Variants in PLEKHM3 observed in about 807,000 individuals in gnomAD.
PLEKHM3 encodes the protein pleckstrin homology domain containing M3, also known as pleckstrin homology domain-containing family M member 3.
A neutral mutation model predicts 81.8 loss-of-function variants in PLEKHM3; 45 were observed. The observed-to-expected ratio is 0.55, with a 90% CI of 0.43 to 0.71. PLEKHM3 has a LOEUF of 0.71. PLEKHM3 is among the 30% of genes least tolerant of loss of function. The probability of loss-of-function intolerance (pLI) is 0.00; values close to 1 mark genes in which losing one functional copy is unlikely to be tolerated. For missense variants in PLEKHM3, 788 were observed against 924.3 expected, an observed-to-expected ratio of 0.85 and a Z score of 1.91; for synonymous variants, 352 against 356.4, an observed-to-expected ratio of 0.99 and a Z score of 0.14.
At chr2:207,927,515 C>CAAAAAA (rs527604593) in intron 5 of PLEKHM3, among the ~76,000 whole-genome samples, 1 of 69,992 alleles carries the variant, frequency 1.4e-5, no homozygotes, top group Non-Finnish European at 2.7e-5. Context: ...GACTCTGTCT[C>CAAAAAA]AAAAAAAAAA....
At chr2:207,844,341 T>C (rs59654161) in intron 7 of PLEKHM3, among the ~76,000 whole-genome samples, 98,975 of 145,428 alleles carry the variant, frequency 0.68, 34,476 homozygotes, top group African/African-American at 0.75. Flanking sequence ...CTCGCTCTGT[T>C]GCCCAGGCTG....
intron 6 of PLEKHM3, among the ~76,000 whole-genome samples, chr2:207,880,973 T>C (rs1041445738): frequency 2.0e-5 from 3 of 151,470 alleles, no homozygotes; most frequent in African/African-American, 7.3e-5. Context: ...GTATAGGTAA[T>C]TGTATCCAGA....
chr2:207,878,722 T>C lies in PLEKHM3; in HGVS notation c.1951-17460A>G, dbSNP rs116131383. ...ACTGAGGCTTAGAAGGCTTAAGTCA[T>C]GTGCCCGGGGTTGCCCAGCTTGGAA... On this transcript the variant is annotated intron_variant, in intron 6 of 7. Coordinates refer to ENST00000427836, the MANE Select transcript of PLEKHM3 (RefSeq NM_001080475.3). Among the ~76,000 whole-genome samples, 589 of 152,366 alleles carry C rather than the reference T, an allele frequency of 3.9e-3. 8 individuals carry two copies. The highest frequency in any genetic ancestry group is 0.012 in the African/African-American group (491 of 41,584).
At chr2:207,829,157 A>T (rs928817557) in intron 7 of PLEKHM3, among the ~76,000 whole-genome samples, 3 of 152,256 alleles carry the variant, frequency 2.0e-5, no homozygotes, top group African/African-American at 7.2e-5. Flanking sequence ...TTCAAACAAT[A>T]TGACAGATAT....
intron 2 of PLEKHM3, among the ~76,000 whole-genome samples, chr2:207,999,672 AC>A (rs377700851): frequency 8.5e-4 from 130 of 152,290 alleles, no homozygotes; most frequent in Middle Eastern, 3.4e-3. Flanking sequence ...CATGGTCACT[AC>A]CCTTGGCTAG....
chr2:207,981,160 A>G (rs1032899287), intron 2 of PLEKHM3, among the ~76,000 whole-genome samples: 1 of 151,924 alleles, frequency 6.6e-6, no homozygotes, highest in African/African-American at 2.4e-5. Flanking sequence ...GAAAAGAAAA[A>G]CAAGAAGAAA....
chr2:207,833,887 T>A (rs769524357), intron 7 of PLEKHM3, among the ~76,000 whole-genome samples: 7 of 152,224 alleles, frequency 4.6e-5, no homozygotes, highest in Non-Finnish European at 1.0e-4. Flanking sequence ...TCCAGTGTAG[T>A]GTACTTATTC....
At chr2:207,895,950 T>G (rs890549212) in intron 6 of PLEKHM3, among the ~76,000 whole-genome samples, 1 of 152,262 alleles carries the variant, frequency 6.6e-6, no homozygotes, top group Non-Finnish European at 1.5e-5. Context: ...TAGTTGACCT[T>G]TGGCAAATGG....
chr2:208,011,122 A>ACTTCT (rs1692677609), intron 1 of PLEKHM3, among the ~76,000 whole-genome samples: 1 of 151,918 alleles, frequency 6.6e-6, no homozygotes, highest in Non-Finnish European at 1.5e-5. Context: ...AAAAGGGAAC[A>ACTTCT]CTTCTACACT....
intron 4 of PLEKHM3, among the ~76,000 whole-genome samples, chr2:207,939,991 C>A (rs368358032): frequency 6.6e-6 from 1 of 152,164 alleles, no homozygotes; most frequent in African/African-American, 2.4e-5. Flanking sequence ...TTCACTAAGA[C>A]AGGTAATGTG....
Position 207,936,833 on chromosome 2 carries a change from G to A in PLEKHM3, c.1693-5714C>T, listed in dbSNP as rs375202323. Reference sequence around the variant, plus strand: ...TCTAAATGTCCACCAAAAAAGAACTGGTTAGATAAATTAGTGTGTGTGTGT... The same window carrying A: ...TCTAAATGTCCACCAAAAAAGAACTAGTTAGATAAATTAGTGTGTGTGTGT... On this transcript the variant is annotated intron_variant, in intron 4 of 7. Transcript: ENST00000427836. 2.5e-4 allele frequency among the ~76,000 whole-genome samples: 37 copies of A among 148,642 alleles called. No homozygotes were observed. In the South Asian group the frequency reaches 7.5e-3, roughly 30 times the overall value.
At chr2:207,923,177 T>C (rs1485145637) in intron 5 of PLEKHM3, among the ~76,000 whole-genome samples, 1 of 152,126 alleles carries the variant, frequency 6.6e-6, no homozygotes, top group Non-Finnish European at 1.5e-5. Flanking sequence ...GGGTGTTGCG[T>C]TATCCTGTAG....
chr2:207,926,308 T>G (rs1319485852), intron 5 of PLEKHM3, among the ~76,000 whole-genome samples: 1 of 152,188 alleles, frequency 6.6e-6, no homozygotes, highest in African/African-American at 2.4e-5. Flanking sequence ...TTGGCAACTA[T>G]TTCACAATTT....
At chr2:207,923,880 C>CATAT (rs1226187210) in intron 5 of PLEKHM3, among the ~76,000 whole-genome samples, 6 of 56,770 alleles carry the variant, frequency 1.1e-4, no homozygotes, top group African/African-American at 4.3e-4. Context: ...CACACACACA[C>CATAT]ATATATATAT....
chr2:207,901,896 C>G (rs1688442126), intron 6 of PLEKHM3, among the ~76,000 whole-genome samples: 1 of 152,224 alleles, frequency 6.6e-6, no homozygotes, highest in Non-Finnish European at 1.5e-5. Flanking sequence ...TCAGTGGTTT[C>G]TGAAGGCAGT....
rs1236009159 is a variant in PLEKHM3 at position 208,001,927 on chromosome 2, TC to T, written c.-289del. 3 of 390,358 alleles carry T rather than the reference TC, an allele frequency of 7.7e-6. No individual in the cohort carries two copies. The highest frequency in any genetic ancestry group is 1.4e-5 in the Non-Finnish European group (3 of 216,316). 24.2% of individuals were successfully genotyped at this position (390,358 alleles called of 1,614,324 possible). A position where few individuals can be genotyped will look rare whatever the true frequency, so the allele number is the denominator to read the frequency against. On this transcript the variant is annotated 5_prime_UTR_variant, in exon 2 of 8. It removes the in-frame stop codon of an upstream open reading frame in the 5' UTR. Coordinates refer to ENST00000427836, the MANE Select transcript of PLEKHM3 (RefSeq NM_001080475.3). ...CTGTGAAGACAACAGCAAGTACTTG[TC>T]AAAGCAATGCCACGCCAATCCTTGA...
intron 4 of PLEKHM3, among the ~76,000 whole-genome samples, chr2:207,937,489 G>C (rs536622486): frequency 6.6e-6 from 1 of 151,646 alleles, no homozygotes; most frequent in Non-Finnish European, 1.5e-5. Context: ...AGGAATGCTT[G>C]AGTGCCAGAG....
chr2:208,022,202 T>C (rs1321313867), intron 1 of PLEKHM3, among the ~76,000 whole-genome samples: 1 of 152,220 alleles, frequency 6.6e-6, no homozygotes, highest in Non-Finnish European at 1.5e-5. Context: ...TTGAGGAGGA[T>C]TTTTGAAAAT....
chr2:207,865,539 A>G (rs2092490883), intron 6 of PLEKHM3, among the ~76,000 whole-genome samples: 1 of 151,744 alleles, frequency 6.6e-6, no homozygotes, highest in Admixed American at 6.6e-5. Flanking sequence ...GCACTTTGGG[A>G]GGTCGAAGCG....
Sources: allele counts gnomAD v4.1 joint callset (sites outside exome capture counted in the v4.1 genomes callset), GRCh38; gene constraint gnomAD v4.1.1; transcripts MANE v1.5; gene names NCBI Gene and HGNC (gene_info 2026-07-23, HGNC 2026-07-21).